LATS2: variants seen among roughly 807,000 people sequenced by gnomAD.
LATS2 encodes large tumor suppressor kinase 2.
A neutral mutation model predicts 76.0 loss-of-function variants in LATS2; 24 were observed. The ratio of observed to expected loss-of-function variants is 0.32; its 90% confidence interval spans 0.23 to 0.44. LATS2 has a LOEUF of 0.44. Ranked by LOEUF, LATS2 falls within the 20% of genes least tolerant of loss-of-function variation. LATS2 has a pLI of 1.00. For missense variants in LATS2, 1,286 were observed against 1,481.2 expected (o/e 0.87, Z 2.16); for synonymous variants, 692 against 635.4 (o/e 1.09, Z -1.34).
chr13:20,982,326 T>C (rs1032802087), intron 5 of LATS2, among the ~76,000 whole-genome samples: 4 of 152,292 alleles, frequency 2.6e-5, no homozygotes, highest in Non-Finnish European at 5.9e-5. Flanking sequence ...TTTTATTTTA[T>C]TTGAGACAGA....
chr13:20,979,339 TC>T (rs1269907367), intron 7 of LATS2, among the ~76,000 whole-genome samples: 1 of 151,958 alleles, frequency 6.6e-6, no homozygotes, highest in Non-Finnish European at 1.5e-5. Flanking sequence ...TTCCTGGAGT[TC>T]CGTGTGTTCT....
chr13:20,980,396 C>T (rs113988150), intron 6 of LATS2, among the ~76,000 whole-genome samples: 16 of 152,306 alleles, frequency 1.1e-4, no homozygotes, highest in Non-Finnish European at 2.1e-4. Flanking sequence ...CTTATTTTCT[C>T]CCACTTTTCC....
At position 20,989,216 on chromosome 13, in the gene LATS2, A is replaced by G; in HGVS notation, c.564T>C (p.Gly188=). Residue 188 remains glycine (G), a synonymous_variant, in exon 4 of 8, where the codon GGT becomes GGC. Coordinates refer to ENST00000382592, the MANE Select transcript of LATS2 (RefSeq NM_014572.3). ...DSFASYHQLS[G]TPYEGPSFGA... ...CGAAGCTTGGGCCCTCGTAGGGGGT[A>G]CCGCTCAGCTGGTGGTAGGACGCAA... 1 of 1,613,820 alleles carries G rather than the reference A, an allele frequency of 6.2e-7. No homozygotes were observed. The highest frequency in any genetic ancestry group is 8.5e-7 in the Non-Finnish European group (1 of 1,180,010).
chr13:21,034,867 T>C lies in LATS2; in HGVS notation c.342+10818A>G, dbSNP rs561394363. 3.9e-5 allele frequency among the ~76,000 whole-genome samples: 6 copies of C among 152,258 alleles called. No homozygotes were observed. In the South Asian group the frequency reaches 6.2e-4, roughly 16 times the overall value. ...CATCCGCTAACAAATAAGTCAATTA[T>C]AGAAGATTACAAATTGTAAAAATTT... On this transcript the variant is annotated intron_variant, in intron 2 of 7. Coordinates refer to ENST00000382592, the MANE Select transcript of LATS2 (RefSeq NM_014572.3).
At chr13:21,047,277 T>C (rs1873107173) in intron 1 of LATS2, among the ~76,000 whole-genome samples, 1 of 152,144 alleles carries the variant, frequency 6.6e-6, no homozygotes, top group Admixed American at 6.5e-5. Flanking sequence ...CACTCCCTGC[T>C]ATGTAATAGA....
intron 2 of LATS2, among the ~76,000 whole-genome samples, chr13:20,993,694 G>A (rs1476198057): frequency 2.0e-5 from 3 of 152,156 alleles, no homozygotes; most frequent in Non-Finnish European, 4.4e-5. Flanking sequence ...CAGAGAGAAG[G>A]CAGCGGTGGT....
chr13:21,059,263 T>C (rs904417017), intron 1 of LATS2, among the ~76,000 whole-genome samples: 4 of 152,358 alleles, frequency 2.6e-5, no homozygotes, highest in Non-Finnish European at 5.9e-5. Context: ...CTCTATGGCT[T>C]AGTAGTTAAG....
At chr13:20,983,202 T>C (rs757654065) in intron 5 of LATS2, 22 bp downstream of exon 5, 3 of 1,540,492 alleles carry the variant, frequency 1.9e-6, no homozygotes, top group Admixed American at 1.7e-5. Flanking sequence ...AGAAAGTGCA[T>C]GTGGCACACT....
chr13:20,991,364 C>T lies in LATS2; in HGVS notation c.383G>A (p.Ser128Asn). ...GATGTACTCCAGGGCGGCCTCGATG[C>T]TCCTGCTGCCAGTCTGCTTGAGAGC... ...GRALKQTGSR[S>N]IEAALEYISK... Residue 128 changes from serine to asparagine, a missense_variant, in exon 3 of 8, where the codon AGC (serine) becomes AAC (asparagine). Ser to Asn is a conservative substitution (Grantham distance 46, BLOSUM62 1). Transcript: ENST00000382592. This position sits in a 1 kb window ranked among gnomAD's most constrained non-coding sequence, Gnocchi z 4.9. 6.2e-7 allele frequency: 1 copy of T among 1,614,142 alleles called. No individual in the cohort carries two copies. Among genetic ancestry groups the T allele is most frequent in the Non-Finnish European group, 8.5e-7 (1 of 1,180,024 alleles).
chr13:21,010,147 C>G (rs1018613762), intron 2 of LATS2, among the ~76,000 whole-genome samples: 12 of 152,060 alleles, frequency 7.9e-5, no homozygotes, highest in African/African-American at 2.9e-4. Flanking sequence ...TCGCAGTGAG[C>G]CAAGATCGCA....
Position 21,045,798 on chromosome 13 carries a change from A to G in LATS2, c.229T>C (p.Leu77=), listed in dbSNP as rs1189839066. 1 of 1,614,066 alleles carries G rather than the reference A, an allele frequency of 6.2e-7. No individual in the cohort carries two copies. The highest frequency in any genetic ancestry group is 1.3e-5 in the African/African-American group (1 of 74,918). ...AACAAGGAATATCTGATTTCCCTCA[A>G]GGCTTTCTGATAAGGTCCGAACTTT... The part of the protein sequence containing the change: ...TPKFGPYQKA[L]REIRYSLLPF... Residue 77 remains leucine (L), a synonymous_variant, in exon 2 of 8, where the codon TTG becomes CTG. Coordinates refer to ENST00000382592, the MANE Select transcript of LATS2 (RefSeq NM_014572.3).
At chr13:20,989,389 G>A (rs1310656623) in intron 3 of LATS2, 85 bp from the exon 4 acceptor site, 5 of 1,423,190 alleles carry the variant, frequency 3.5e-6, no homozygotes, top group Non-Finnish European at 4.9e-6. Flanking sequence ...CCACTCTAGC[G>A]CTGCCCTCGG....
At chr13:21,052,671 C>G (rs898108908) in intron 1 of LATS2, among the ~76,000 whole-genome samples, 3 of 152,144 alleles carry the variant, frequency 2.0e-5, no homozygotes, top group African/African-American at 4.8e-5. Flanking sequence ...CTCTTTAAAT[C>G]AGTGTTTGAG....
chr13:21,032,415 C>CA (rs1351652557), intron 2 of LATS2, among the ~76,000 whole-genome samples: 1 of 152,110 alleles, frequency 6.6e-6, no homozygotes, highest in Non-Finnish European at 1.5e-5. Flanking sequence ...TTATGGCGCC[C>CA]ACCACCACGT....
In LATS2 at chr13:20,988,882, C is replaced by G. The variant is rs989503491; in HGVS notation, c.898G>C (p.Ala300Pro). 1 of 1,553,720 alleles carries G rather than the reference C, an allele frequency of 6.4e-7. No homozygotes were observed. The highest frequency in any genetic ancestry group is 8.6e-7 in the Non-Finnish European group (1 of 1,156,642). The change falls in exon 4 of 8, where the codon GCC becomes CCC. Residue 300 changes from alanine (A) to proline (P), a missense_variant. Physicochemically the swap from Ala to Pro is conservative, Grantham distance 27. Transcript: ENST00000382592. ...GCAGGGGGTGGGAAAGCGAGGCCGG[C>G]GCCTGGCGGTCCTCCCTGGCCCTTC... Reference protein sequence around the residue: ...PTKGQGGPPGAGLAFPPPAAG... With the variant: ...PTKGQGGPPGPGLAFPPPAAG...
At chr13:21,016,227 T>C (rs996565965) in intron 2 of LATS2, among the ~76,000 whole-genome samples, 1 of 152,092 alleles carries the variant, frequency 6.6e-6, no homozygotes, top group Admixed American at 6.6e-5. Context: ...CTTCAGGTGA[T>C]TCACCTACCT....
rs1869961356 is a variant in LATS2 at position 20,982,986 on chromosome 13, C to T, written c.2482+238G>A. Among the ~76,000 whole-genome samples the T allele has an allele frequency of 2.4e-5, 2 of 84,128 alleles. 1 individual carries two copies. The highest frequency in any genetic ancestry group is 8.4e-4 in the South Asian group (2 of 2,376). The allele number at this position is 84,128 out of a possible 152,430, so 55.2% of individuals were successfully genotyped here. Reference sequence around the variant, plus strand: ...CAGCCTGGGCAACAAGAGCGAAACTCTGTCTCAAAAAAAAAAAAAAAAAAA... The same window carrying T: ...CAGCCTGGGCAACAAGAGCGAAACTTTGTCTCAAAAAAAAAAAAAAAAAAA... On this transcript the variant is annotated intron_variant, in intron 5 of 7. Coordinates refer to ENST00000382592, the MANE Select transcript of LATS2 (RefSeq NM_014572.3).
chr13:20,989,273 C>T lies in LATS2; in HGVS notation c.507G>A (p.Arg169=), dbSNP rs140518971. Residue 169 remains arginine (R), a synonymous_variant, in exon 4 of 8, where the codon CGG becomes CGA. Transcript: ENST00000382592. ...CGCCGGTTCCTTCGAAGCTGGGCCT[C>T]CGCGTCACTGGGGTTGGCATGAGCC... The part of the protein sequence containing the change: ...GKGLMPTPVT[R]RPSFEGTGDS... The T allele has an allele frequency of 3.7e-6, 6 of 1,613,866 alleles. No individual in the cohort carries two copies. Among genetic ancestry groups the T allele is most frequent in the Non-Finnish European group, 3.4e-6 (4 of 1,180,038 alleles).
Position 21,047,840 on chromosome 13 carries a change from G to C in LATS2, c.-204-1610C>G, listed in dbSNP as rs7489575. On this transcript the variant is annotated intron_variant, in intron 1 of 7. Coordinates refer to ENST00000382592, the MANE Select transcript of LATS2 (RefSeq NM_014572.3). ...CTAAGAGATGACATTTGAATTCCTAGTCCTTGCTTAGATGGGAAGGGGATT... is the reference window on the plus strand; with the variant it reads ...CTAAGAGATGACATTTGAATTCCTACTCCTTGCTTAGATGGGAAGGGGATT... Among the ~76,000 whole-genome samples the C allele has an allele frequency of 5.5e-3, 839 of 152,220 alleles. 9 individuals are homozygous for C. Among genetic ancestry groups the C allele is most frequent in the African/African-American group, 0.02 (815 of 41,534 alleles).
Sources: gnomAD v4.1 joint callset for allele counts (sites outside exome capture counted in the v4.1 genomes callset) on GRCh38, gnomAD v4.1.1 for gene constraint, Gnocchi (gnomAD v3.1) non-coding constraint, MANE v1.5 for transcripts, NCBI Gene and HGNC (gene_info 2026-07-23, HGNC 2026-07-21) for gene names.